Variants in AGMO observed in about 807,000 individuals in gnomAD.
The protein encoded by AGMO is glyceryl-ether monooxygenase.
A neutral mutation model predicts 60.2 loss-of-function variants in AGMO; 75 were observed. The observed-to-expected ratio is 1.25, with a 90% CI of 1.03 to 1.51. The LOEUF is 1.51. Among genes scored for constraint, AGMO ranks in the 40% most tolerant of loss-of-function variants. AGMO has a pLI of 0.00. For missense variants in AGMO, 763 were observed against 525.5 expected (o/e 1.45, Z -4.42); for synonymous variants, 261 against 177.1 (o/e 1.47, Z -3.76).
At chr7:15,387,022 T>C (rs1251363511) in intron 9 of AGMO, among the ~76,000 whole-genome samples, 1 of 152,108 alleles carries the variant, frequency 6.6e-6, no homozygotes, top group Non-Finnish European at 1.5e-5. Context: ...TTTTCATGAG[T>C]GGAGTTAAGT....
chr7:15,546,654 T>A lies in AGMO; in HGVS notation c.258-1731A>T, dbSNP rs10263276. Among the ~76,000 whole-genome samples, 1,208 of 152,306 alleles carry A rather than the reference T, an allele frequency of 7.9e-3. 14 individuals are homozygous for A. Among genetic ancestry groups the A allele is most frequent in the African/African-American group, 0.027 (1,128 of 41,584 alleles). Reference sequence around the variant, plus strand: ...ACACACAGGTGTGTGAGGTCCCTCCTGGGGCAGGACAAGCCATGAGGCCAA... The same window carrying A: ...ACACACAGGTGTGTGAGGTCCCTCCAGGGGCAGGACAAGCCATGAGGCCAA... On this transcript the variant is annotated intron_variant, in intron 2 of 12. Coordinates refer to ENST00000342526, the MANE Select transcript of AGMO (RefSeq NM_001004320.2).
At position 15,238,574 on chromosome 7, in the gene AGMO, TA is replaced by T. The variant is rs200743272; in HGVS notation, c.1264-37216del. Among the ~76,000 whole-genome samples the T allele has an allele frequency of 2.2e-3, 341 of 151,674 alleles. 5 individuals carry two copies. In the East Asian group the frequency reaches 0.049, roughly 22 times the overall value. On this transcript the variant is annotated intron_variant, in intron 12 of 12. Coordinates refer to ENST00000342526, the MANE Select transcript of AGMO (RefSeq NM_001004320.2). ...ATTAATATAGCAATTAAAATAATTT[TA>T]AAAATTTTAATTTTTCATTTTATTA...
At chr7:15,548,920 G>A (rs1474755852) in intron 2 of AGMO, among the ~76,000 whole-genome samples, 2 of 146,812 alleles carry the variant, frequency 1.4e-5, no homozygotes, top group Admixed American at 6.6e-5. Context: ...CAGAGAGAAA[G>A]GTCGGGTTAC....
intron 10 of AGMO, among the ~76,000 whole-genome samples, chr7:15,374,784 A>G (rs1783379772): frequency 6.6e-6 from 1 of 152,042 alleles, no homozygotes; most frequent in Non-Finnish European, 1.5e-5. Flanking sequence ...AATTGTGGAG[A>G]AAGAGCCAGG....
rs1036548550 is a variant in AGMO at position 15,288,998 on chromosome 7, C to G, written c.1263+76516G>C. 2.0e-5 allele frequency among the ~76,000 whole-genome samples: 3 copies of G among 151,882 alleles called. No individual in the cohort carries two copies. The South Asian group carries it at 6.2e-4, about 31-fold the overall frequency. On this transcript the variant is annotated intron_variant, in intron 12 of 12. Transcript: ENST00000342526. ...GAGATTTGCTAAGTGTGCTGTTGTT[C>G]TATTACCTGACATTTTTGGCTTATT...
At chr7:15,282,954 T>A (rs917362629) in intron 12 of AGMO, among the ~76,000 whole-genome samples, 2 of 152,082 alleles carry the variant, frequency 1.3e-5, no homozygotes, top group Non-Finnish European at 1.5e-5. Context: ...TTAAATAGAA[T>A]AACTGTCAGT....
At chr7:15,328,779 T>C (rs1041041503) in intron 12 of AGMO, among the ~76,000 whole-genome samples, 1 of 152,166 alleles carries the variant, frequency 6.6e-6, no homozygotes, top group African/African-American at 2.4e-5. Context: ...ATTACTGACA[T>C]TGGCCAAGTC....
chr7:15,327,744 T>C (rs959598522), intron 12 of AGMO, among the ~76,000 whole-genome samples: 41 of 8,460 alleles, frequency 4.8e-3, no homozygotes, highest in Middle Eastern at 0.1. Flanking sequence ...TTCTTTCTTT[T>C]TTTTTTTTTT....
intron 12 of AGMO, among the ~76,000 whole-genome samples, chr7:15,218,385 G>A (rs547466050): frequency 5.7e-5 from 8 of 139,430 alleles, no homozygotes; most frequent in African/African-American, 1.6e-4. Context: ...TTTGTTTTAC[G>A]ATTTTGGGCC....
intron 12 of AGMO, among the ~76,000 whole-genome samples, chr7:15,247,459 CAGAGAGAGAG>C (rs35939832): frequency 1.0e-4 from 12 of 115,284 alleles, no homozygotes; most frequent in Non-Finnish European, 1.7e-4. Flanking sequence ...CACACACACA[CAGAGAGAGAG>C]AGAGAGAGAG....
intron 12 of AGMO, among the ~76,000 whole-genome samples, chr7:15,340,704 C>T (rs1037038082): frequency 3.3e-5 from 5 of 152,170 alleles, no homozygotes; most frequent in Middle Eastern, 3.2e-3. Context: ...GGAACCTCCA[C>T]CTAGATTTCA....
At chr7:15,284,680 C>G (rs892434628) in intron 12 of AGMO, among the ~76,000 whole-genome samples, 1 of 151,816 alleles carries the variant, frequency 6.6e-6, no homozygotes, top group Non-Finnish European at 1.5e-5. Flanking sequence ...TGGAACTAGT[C>G]CAAAAGATTC....
chr7:15,399,750 C>A (rs1460972055), intron 5 of AGMO, among the ~76,000 whole-genome samples: 1 of 151,944 alleles, frequency 6.6e-6, no homozygotes. Context: ...GCCATAAGAC[C>A]GTCGTTATGT....
intron 12 of AGMO, among the ~76,000 whole-genome samples, chr7:15,266,937 G>A (rs1003615009): frequency 1.3e-5 from 2 of 151,806 alleles, no homozygotes; most frequent in African/African-American, 4.8e-5. Flanking sequence ...CACAGAAGAG[G>A]CAATCTACTC....
intron 5 of AGMO, among the ~76,000 whole-genome samples, chr7:15,411,102 C>A (rs537847721): frequency 1.3e-5 from 2 of 151,984 alleles, no homozygotes; most frequent in African/African-American, 2.4e-5. Context: ...GAAGAATGGG[C>A]TCCTGATAAA....
At chr7:15,374,990 T>G (rs991379217) in intron 10 of AGMO, among the ~76,000 whole-genome samples, 1 of 151,974 alleles carries the variant, frequency 6.6e-6, no homozygotes, top group Non-Finnish European at 1.5e-5. Flanking sequence ...GTGTAATGCA[T>G]ACTCCTACCA....
chr7:15,159,357 T>C, the AGMO span, among the ~76,000 whole-genome samples: 1 of 152,148 alleles, frequency 6.6e-6, no homozygotes, highest in East Asian at 1.9e-4. Context: ...TCTACAGAAG[T>C]GGTAAAAGAC....
intron 3 of AGMO, among the ~76,000 whole-genome samples, chr7:15,520,413 T>C (rs967988242): frequency 6.6e-6 from 1 of 152,132 alleles, no homozygotes; most frequent in African/African-American, 2.4e-5. Flanking sequence ...CAGCACCATA[T>C]AGCACTTATT....
intron 3 of AGMO, among the ~76,000 whole-genome samples, chr7:15,485,555 G>A (rs996816539): frequency 1.3e-5 from 2 of 152,110 alleles, no homozygotes; most frequent in African/African-American, 4.8e-5. Flanking sequence ...AGGGAACCCT[G>A]TTCAATGTTA....
Sources: allele counts gnomAD v4.1 joint callset (sites outside exome capture counted in the v4.1 genomes callset), GRCh38; gene constraint gnomAD v4.1.1; transcripts MANE v1.5; gene names NCBI Gene and HGNC (gene_info 2026-07-23, HGNC 2026-07-21).